Variants in GFPT2 observed in about 807,000 individuals in gnomAD.
The protein encoded by GFPT2 is glutamine--fructose-6-phosphate aminotransferase [isomerizing] 2.
Under a neutral mutation model 85.6 loss-of-function variants are expected in GFPT2, and 62 were observed. The ratio of observed to expected loss-of-function variants is 0.72; its 90% CI spans 0.59 to 0.90. GFPT2 has a LOEUF of 0.90. GFPT2 is among the 40% of genes least tolerant of loss of function. The probability of loss-of-function intolerance (pLI) is 0.00; values close to 1 mark genes in which losing one functional copy is unlikely to be tolerated. For missense variants in GFPT2, 788 were observed against 893.4 expected, an observed-to-expected ratio of 0.88 and a Z score of 1.50; for synonymous variants, 368 against 344.5, an observed-to-expected ratio of 1.07 and a Z score of -0.75.
intron 1 of GFPT2, among the ~76,000 whole-genome samples, chr5:180,342,582 A>G (rs1467191837): frequency 6.6e-6 from 1 of 151,618 alleles, no homozygotes; most frequent in Non-Finnish European, 1.5e-5. Context: ...AGCCTAGGTG[A>G]AACTTTTCAT....
chr5:180,346,547 C>A (rs1017124457), intron 1 of GFPT2, among the ~76,000 whole-genome samples: 1 of 152,230 alleles, frequency 6.6e-6, no homozygotes, highest in Non-Finnish European at 1.5e-5. Flanking sequence ...CCCCGCGGGC[C>A]CACCGCGTGA....
At chr5:180,336,407 G>T in intron 3 of GFPT2, 72 bp downstream of exon 3, 2 of 836,838 alleles carry the variant, frequency 2.4e-6, no homozygotes, top group Non-Finnish European at 4.2e-6. Flanking sequence ...ATTCTCCGGC[G>T]CTGTTGGAAT....
chr5:180,322,965 G>A (rs1197981693), intron 9 of GFPT2, among the ~76,000 whole-genome samples: 1 of 151,394 alleles, frequency 6.6e-6, no homozygotes, highest in Non-Finnish European at 1.5e-5. Flanking sequence ...AACCCAGGAG[G>A]CGGAGCTTGC....
intron 1 of GFPT2, among the ~76,000 whole-genome samples, chr5:180,351,227 T>C (rs1393192046): frequency 2.0e-5 from 3 of 152,242 alleles, no homozygotes; most frequent in African/African-American, 4.8e-5. Flanking sequence ...TATTCAATTC[T>C]AGCCAGCTGC....
chr5:180,325,615 G>A (rs917332189), intron 7 of GFPT2, among the ~76,000 whole-genome samples: 4 of 152,362 alleles, frequency 2.6e-5, no homozygotes, highest in South Asian at 4.1e-4. Flanking sequence ...CTGTCCCAGC[G>A]TCACTGTCTC....
chr5:180,328,368 G>C lies in GFPT2; in HGVS notation c.535-30C>G, dbSNP rs1164360898. 1 of 1,581,714 alleles carries C rather than the reference G, an allele frequency of 6.3e-7. No homozygotes were observed. Among genetic ancestry groups the C allele is most frequent in the Admixed American group, 1.7e-5 (1 of 59,988 alleles). ...AAACACACAAACAGTGAGGGTCAAC[G>C]CGTTCCAGCAGCCGCTGCTGCAGCC... is the stretch of plus-strand genomic sequence containing the variant. On this transcript the variant is annotated intron_variant, in intron 6 of 18. Coordinates refer to ENST00000253778, the MANE Select transcript of GFPT2 (RefSeq NM_005110.4). The surrounding 1 kb of genome is among the most constrained non-coding windows in gnomAD (Gnocchi z 5.4).
At chr5:180,311,576 C>T (rs1267808071) in intron 15 of GFPT2, among the ~76,000 whole-genome samples, 2 of 152,148 alleles carry the variant, frequency 1.3e-5, no homozygotes, top group East Asian at 3.9e-4. Context: ...TGCTCTTTCT[C>T]GAGTACTTAC....
At chr5:180,309,852 C>T (rs1454162651) in intron 15 of GFPT2, among the ~76,000 whole-genome samples, 2 of 151,940 alleles carry the variant, frequency 1.3e-5, no homozygotes, top group East Asian at 3.9e-4. Context: ...ACTCTGTCAC[C>T]CAGGCTGGAG....
intron 1 of GFPT2, among the ~76,000 whole-genome samples, chr5:180,348,262 C>T (rs1764648282): frequency 6.6e-6 from 1 of 152,230 alleles, no homozygotes; most frequent in African/African-American, 2.4e-5. Context: ...TCGTGAAATT[C>T]CCGAGCGTGT....
rs145040872 is a variant in GFPT2 at position 180,315,302 on chromosome 5, T to C, written c.1273+1039A>G. Among the ~76,000 whole-genome samples the C allele has an allele frequency of 6.3e-3, 957 of 152,004 alleles. 8 individuals are homozygous for C. The highest frequency in any genetic ancestry group is 0.014 in the Middle Eastern group (4 of 294). On this transcript the variant is annotated intron_variant, in intron 13 of 18. Transcript: ENST00000253778. ...ACGCCATTCTCCTGCCTCAGCCTCC[T>C]GAGTAGCCGGGACTACAGGCGCCCG... is the stretch of plus-strand genomic sequence containing the variant.
At chr5:180,342,971 G>C (rs1328200200) in intron 1 of GFPT2, among the ~76,000 whole-genome samples, 1 of 152,082 alleles carries the variant, frequency 6.6e-6, no homozygotes, top group Non-Finnish European at 1.5e-5. Context: ...GTGGGGACAT[G>C]GTCAAATTGT....
In GFPT2 at chr5:180,302,583, C is replaced by T; in HGVS notation, c.1844G>A (p.Gly615Asp). The T allele has an allele frequency of 1.2e-6, 2 of 1,608,644 alleles. No homozygotes were observed. The highest frequency in any genetic ancestry group is 1.7e-6 in the Non-Finnish European group (2 of 1,176,010). Residue 615 changes from glycine (G) to aspartate (D), a missense_variant and splice_region_variant, in exon 18 of 19, where the codon GGT (glycine) becomes GAT (aspartate). Gly to Asp is a moderately conservative substitution (Grantham distance 94). Coordinates refer to ENST00000253778, the MANE Select transcript of GFPT2 (RefSeq NM_005110.4). ...CTTGGAGCACAGTATAATGGGGCGA[C>T]CCTAGAGCAGAGAAATAGCATCATA... The part of the protein sequence containing the change: ...NALQQVTARQ[G>D]RPIILCSKDD...
At chr5:180,315,258 A>G (rs1223302630) in intron 13 of GFPT2, among the ~76,000 whole-genome samples, 3 of 151,824 alleles carry the variant, frequency 2.0e-5, no homozygotes, top group Non-Finnish European at 4.4e-5. Flanking sequence ...GCTCACTGCA[A>G]GCTCCGCCTC....
At chr5:180,305,737 C>G (rs1162596919) in intron 16 of GFPT2, among the ~76,000 whole-genome samples, 1 of 152,214 alleles carries the variant, frequency 6.6e-6, no homozygotes, top group East Asian at 1.9e-4. Context: ...CGCAGCTCAG[C>G]CCCCACCCAT....
Position 180,353,309 on chromosome 5 carries a change from G to A in GFPT2, c.-92C>T. On this transcript the variant is annotated 5_prime_UTR_variant, in exon 1 of 19. Transcript: ENST00000253778. ...CGTGGGCTCCTCCGTGGGCTCCGTG[G>A]GCTCCGTGGGCTCCGCGGGCTCCAG... The A allele has an allele frequency of 2.0e-6, 2 of 977,938 alleles. No individual in the cohort carries two copies. The highest frequency in any genetic ancestry group is 6.6e-5 in the East Asian group (2 of 30,314). The allele number at this position is 977,938 out of a possible 1,614,324, so 60.6% of individuals were successfully genotyped here.
At chr5:180,337,729 T>C (rs1219499182) in intron 2 of GFPT2, among the ~76,000 whole-genome samples, 1 of 152,102 alleles carries the variant, frequency 6.6e-6, no homozygotes. Context: ...TCGATGAGCT[T>C]GGAGGCACGT....
Position 180,328,131 on chromosome 5 carries a change from G to T in GFPT2, c.596+146C>A. 1.8e-6 allele frequency: 1 copy of T among 547,382 alleles called. No individual in the cohort carries two copies. Among genetic ancestry groups the T allele is most frequent in the Non-Finnish European group, 3.3e-6 (1 of 304,268 alleles). 33.9% of individuals were successfully genotyped at this position (547,382 alleles called of 1,614,324 possible). A position where few individuals can be genotyped will look rare whatever the true frequency, so the allele number is the denominator to read the frequency against. On this transcript the variant is annotated intron_variant, in intron 7 of 18. Coordinates refer to ENST00000253778, the MANE Select transcript of GFPT2 (RefSeq NM_005110.4). The surrounding 1 kb of genome is among the most constrained non-coding windows in gnomAD (Gnocchi z 5.4). ...ACCAGCCATGGAGATGGTGGGGCGC[G>T]GTCCCCGGGGCTGAGCCACAGTTGT...
At chr5:180,339,557 C>T (rs1764470138) in intron 1 of GFPT2, among the ~76,000 whole-genome samples, 1 of 152,158 alleles carries the variant, frequency 6.6e-6, no homozygotes, top group Non-Finnish European at 1.5e-5. Flanking sequence ...GAAAGTTAGC[C>T]GTTGTGTTGG....
At position 180,313,911 on chromosome 5, in the gene GFPT2, G is replaced by A. The variant is rs1763951280; in HGVS notation, c.1327C>T (p.Leu443Phe). 1 of 1,606,148 alleles carries A rather than the reference G, an allele frequency of 6.2e-7. No individual in the cohort carries two copies. Among genetic ancestry groups the A allele is most frequent in the East Asian group, 2.2e-5 (1 of 44,832 alleles). The change falls in exon 14 of 19, where the codon CTC (leucine) becomes TTC (phenylalanine). Residue 443 changes from leucine (L) to phenylalanine (F), a missense_variant. Transcript: ENST00000253778. ...ALRYCKDRGA[L>F]TVGVTNTVGS... ...ACGGTGTTGGTGACGCCCACGGTGA[G>A]AGCGCCGCGGTCCTTACAGTAGCGC... is the stretch of plus-strand genomic sequence containing the variant.
Sources: gnomAD v4.1 joint callset for allele counts (sites outside exome capture counted in the v4.1 genomes callset) on GRCh38, gnomAD v4.1.1 for gene constraint, Gnocchi (gnomAD v3.1) non-coding constraint, MANE v1.5 for transcripts, NCBI Gene and HGNC (gene_info 2026-07-23, HGNC 2026-07-21) for gene names.